The following AKT3 variants were observed in gnomAD, a reference collection of about 807,000 sequenced individuals.
The protein encoded by AKT3 is AKT serine/threonine kinase 3.
In AKT3, 15 loss-of-function variants were observed where a neutral mutation model predicts 65.3. The observed-to-expected ratio is 0.23, with a 90% CI of 0.15 to 0.35. AKT3 has a LOEUF of 0.35. Among genes scored for constraint, AKT3 ranks in the 10% least tolerant of loss-of-function variants. The pLI, the probability that AKT3 is intolerant of heterozygous loss-of-function variation, is 1.00. For missense variants in AKT3, 243 were observed against 576.5 expected, an observed-to-expected ratio of 0.42 and a Z score of 5.92; for synonymous variants, 206 against 183.8, an observed-to-expected ratio of 1.12 and a Z score of -0.98.
chr1:243,736,789 A>G (rs1687872593), intron 2 of AKT3, among the ~76,000 whole-genome samples: 1 of 152,176 alleles, frequency 6.6e-6, no homozygotes. Context: ...ACTTTAAAAC[A>G]CCTCAAAGTC....
At chr1:243,663,264 A>C (rs968417460) in intron 4 of AKT3, among the ~76,000 whole-genome samples, 2 of 152,256 alleles carry the variant, frequency 1.3e-5, no homozygotes, top group Non-Finnish European at 2.9e-5. Context: ...GAACCTGCCT[A>C]GTCTATTAGA....
At chr1:243,734,577 A>G (rs937691645) in intron 2 of AKT3, among the ~76,000 whole-genome samples, 2 of 152,142 alleles carry the variant, frequency 1.3e-5, no homozygotes, top group African/African-American at 2.4e-5. Flanking sequence ...GCACACCTCT[A>G]TAGGGCACTT....
intron 2 of AKT3, among the ~76,000 whole-genome samples, chr1:243,775,819 C>T (rs1241227570): frequency 2.0e-5 from 3 of 152,096 alleles, no homozygotes; most frequent in African/African-American, 7.2e-5. Context: ...TATTTATAGA[C>T]ATAAAAATGG....
Position 243,492,891 on chromosome 1 carries a change from G to A in AKT3, c.*7-4441C>T, listed in dbSNP as rs1666918300. On this transcript the variant is annotated intron_variant, in intron 13 of 13. Transcript: ENST00000336199. ...CAAAGTGCTGGCATTACAGGCATGA[G>A]CTTTGCCCGGCCTCTTGGCTTGTTC... Among the ~76,000 whole-genome samples the A allele has an allele frequency of 2.0e-5, 3 of 152,164 alleles. No homozygotes were observed. In the South Asian group the frequency reaches 6.2e-4, roughly 31 times the overall value.
chr1:243,666,044 C>G (rs1378660810), intron 3 of AKT3, among the ~76,000 whole-genome samples: 1 of 152,124 alleles, frequency 6.6e-6, no homozygotes. Flanking sequence ...CGCTCTGTCA[C>G]CCAGGCTGGA....
chr1:243,795,577 T>C (rs1265480507), intron 2 of AKT3, among the ~76,000 whole-genome samples: 3 of 141,778 alleles, frequency 2.1e-5, no homozygotes, highest in Non-Finnish European at 4.6e-5. Context: ...GTTCACGCCA[T>C]TCTCCTGCCT....
chr1:243,753,269 AT>A (rs1447437334), intron 2 of AKT3, among the ~76,000 whole-genome samples: 4 of 152,222 alleles, frequency 2.6e-5, no homozygotes, highest in Non-Finnish European at 4.4e-5. Flanking sequence ...AGTGTAAAAA[AT>A]TAAAGTAAAA....
intron 2 of AKT3, among the ~76,000 whole-genome samples, chr1:243,707,667 A>T (rs562316512): frequency 6.6e-6 from 1 of 152,260 alleles, no homozygotes; most frequent in South Asian, 2.1e-4. Context: ...GATATACAGC[A>T]TGATGCTGAA....
At chr1:243,778,847 CATCTT>C (rs1020198875) in intron 2 of AKT3, among the ~76,000 whole-genome samples, 3 of 152,032 alleles carry the variant, frequency 2.0e-5, no homozygotes, top group Non-Finnish European at 2.9e-5. Flanking sequence ...ACAACTATAA[CATCTT>C]ATCTCCTCTC....
At position 243,784,988 on chromosome 1, in the gene AKT3, T is replaced by C. The variant is rs1365176755; in HGVS notation, c.46+58137A>G. On this transcript the variant is annotated intron_variant, in intron 2 of 13. Transcript: ENST00000673466. ...GATATTGCCCAGGCTGGATTTCAAC[T>C]CCCGGCTTAAGTGATCCTCCTGCCT... is the stretch of plus-strand genomic sequence containing the variant. Among the ~76,000 whole-genome samples the C allele has an allele frequency of 2.0e-5, 3 of 150,938 alleles. No homozygotes were observed. In the East Asian group the frequency reaches 5.8e-4, roughly 29 times the overall value.
intron 2 of AKT3, among the ~76,000 whole-genome samples, chr1:243,792,758 T>C (rs1691708075): frequency 6.6e-6 from 1 of 152,236 alleles, no homozygotes. Flanking sequence ...TGGCCATTCC[T>C]AGCATACTTT....
chr1:243,742,169 G>C (rs1321102789), intron 2 of AKT3, among the ~76,000 whole-genome samples: 1 of 151,854 alleles, frequency 6.6e-6, no homozygotes, highest in Non-Finnish European at 1.5e-5. Flanking sequence ...ATCCACAAGG[G>C]ACCTAGAACC....
rs566574203 is a variant in AKT3, at chr1:243,608,743, C to CTTTT, written c.696+4924_696+4927dup. Among the ~76,000 whole-genome samples, 26 of 70,796 alleles carry CTTTT rather than the reference C, an allele frequency of 3.7e-4. 7 individuals are homozygous for CTTTT. The highest frequency in any genetic ancestry group is 1.5e-3 in the African/African-American group (23 of 15,318). 46.4% of individuals were successfully genotyped at this position (70,796 alleles called of 152,430 possible). A position where few individuals can be genotyped will look rare whatever the true frequency, so the allele number is the denominator to read the frequency against. ...TTTTCTACAGTAATTAAGTTTTTTG[C>CTTTT]TTTTTTTTTTTTTTTTTTTTTTTTT... is the stretch of plus-strand genomic sequence containing the variant. On this transcript the variant is annotated intron_variant, in intron 8 of 13. Coordinates refer to ENST00000673466, the MANE Select transcript of AKT3 (RefSeq NM_005465.7).
rs367585326 is a variant in AKT3, at chr1:243,645,957, G to C, written c.365C>G (p.Thr122Ser). ...QEEERMNCSP[T>S]SQIDNIGEEE... ...CTCTCCTATATTATCAATTTGTGAA[G>C]TTGGACTACAATTCATTCTCTCCTC... The change falls in exon 5 of 14, where the codon ACT becomes AGT. Residue 122 changes from threonine (T) to serine (S), a missense_variant. Coordinates refer to ENST00000673466, the MANE Select transcript of AKT3 (RefSeq NM_005465.7). 6.2e-7 allele frequency: 1 copy of C among 1,612,490 alleles called. No homozygotes were observed. Among genetic ancestry groups the C allele is most frequent in the Non-Finnish European group, 8.5e-7 (1 of 1,178,728 alleles).
chr1:243,734,613 G>C (rs1687743604), intron 2 of AKT3, among the ~76,000 whole-genome samples: 1 of 152,172 alleles, frequency 6.6e-6, no homozygotes, highest in Non-Finnish European at 1.5e-5. Context: ...TGTAGGACTA[G>C]AAGTGACTCT....
chr1:243,537,615 C>T (rs1197538722), intron 12 of AKT3, among the ~76,000 whole-genome samples: 1 of 152,224 alleles, frequency 6.6e-6, no homozygotes, highest in Non-Finnish European at 1.5e-5. Flanking sequence ...CTTTTCCAGG[C>T]TCTTCTCCAT....
chr1:243,759,332 A>C (rs1689345777), intron 2 of AKT3, among the ~76,000 whole-genome samples: 1 of 47,398 alleles, frequency 2.1e-5, no homozygotes, highest in Admixed American at 3.5e-4. Flanking sequence ...CAAAAAATAA[A>C]ATTAAATTAA....
chr1:243,549,286 G>A (rs1360800274), intron 11 of AKT3, among the ~76,000 whole-genome samples: 3 of 152,084 alleles, frequency 2.0e-5, no homozygotes, highest in African/African-American at 7.2e-5. Context: ...TGCATACCCT[G>A]TCTGTTAATC....
chr1:243,541,086 T>C (rs1052132814), intron 12 of AKT3, among the ~76,000 whole-genome samples: 2 of 152,224 alleles, frequency 1.3e-5, no homozygotes, highest in African/African-American at 4.8e-5. Flanking sequence ...CAGGGAGATA[T>C]CTTGAGAGTA....
Sources: gnomAD v4.1 joint callset for allele counts (sites outside exome capture counted in the v4.1 genomes callset) on GRCh38, gnomAD v4.1.1 for gene constraint, MANE v1.5 for transcripts, NCBI Gene and HGNC (gene_info 2026-07-23, HGNC 2026-07-21) for gene names.